MGST1: variants seen among roughly 807,000 people sequenced by gnomAD.
MGST1 encodes the protein glutathione S-transferase 12.
Under a neutral mutation model 8.9 loss-of-function variants are expected in MGST1, and 5 were observed. The observed-to-expected ratio is 0.56, with a 90% CI of 0.29 to 1.19. The LOEUF (loss-of-function observed/expected upper bound fraction) is 1.19, where lower values mean the gene tolerates loss of function less well. Ranked by LOEUF, MGST1 falls within the 50% of genes most tolerant of loss-of-function variation. MGST1 has a pLI of 0.08. For synonymous variants in MGST1, 54 were observed against 67.8 expected (o/e 0.80, Z 1.00); for missense variants, 182 against 187.4 (o/e 0.97, Z 0.17).
intron 1 of MGST1, among the ~76,000 whole-genome samples, chr12:16,434,366 C>T (rs904887386): frequency 6.6e-5 from 10 of 152,052 alleles, no homozygotes; most frequent in African/African-American, 1.7e-4. Context: ...GATTAAACAA[C>T]GGAAATTTCT....
At chr12:16,354,197 C>T in intron 1 of MGST1, 34 bp from the exon 2 acceptor site, 3 of 1,488,356 alleles carry the variant, frequency 2.0e-6, no homozygotes, top group South Asian at 1.3e-5. Context: ...GTATTTATGT[C>T]TGCTTTTTCC....
chr12:16,363,790 C>T lies in MGST1; in HGVS notation c.222-5C>T, dbSNP rs751106206. The T allele has an allele frequency of 3.0e-5, 48 of 1,582,624 alleles. No homozygotes were observed. Among genetic ancestry groups the T allele is most frequent in the Non-Finnish European group, 4.1e-5 (47 of 1,159,000 alleles). ...AGTGTCTTTAATAGTTATCTTTTTC[C>T]ACAGAGCCCACCTGAATGACCTTGA... is the stretch of plus-strand genomic sequence containing the variant. On this transcript the variant is annotated splice_polypyrimidine_tract_variant and splice_region_variant and intron_variant, in intron 3 of 3. Coordinates refer to ENST00000396210, the MANE Select transcript of MGST1 (RefSeq NM_020300.5). This position sits in a 1 kb window ranked among gnomAD's most constrained non-coding sequence, Gnocchi z 4.6.
At chr12:16,418,221 A>G (rs1009893402) in intron 1 of MGST1, among the ~76,000 whole-genome samples, 1 of 152,140 alleles carries the variant, frequency 6.6e-6, no homozygotes, top group African/African-American at 2.4e-5. Flanking sequence ...TTTACTGAAA[A>G]CTAAATTCAA....
intron 1 of MGST1, among the ~76,000 whole-genome samples, chr12:16,435,202 TTTTA>T (rs1482177327): frequency 6.6e-6 from 1 of 151,950 alleles, no homozygotes. Context: ...TTTATTTTGA[TTTTA>T]TTTATTTATC....
At position 16,448,706 on chromosome 12, in the gene MGST1, T is replaced by C. The variant is rs79645417; in HGVS notation, n.482+65102T>C. ...GACTCTATTCTTATTTACATAATTATAGCAATTGTTTAAATTGGGATGGTT... is the reference window on the plus strand; with the variant it reads ...GACTCTATTCTTATTTACATAATTACAGCAATTGTTTAAATTGGGATGGTT... On this transcript the variant is annotated intron_variant and non_coding_transcript_variant, in intron 4 of 4. Coordinates refer to the MGST1 transcript ENST00000538857. Among the ~76,000 whole-genome samples the C allele has an allele frequency of 4.7e-3, 709 of 152,078 alleles. 1 individual carries two copies. The highest frequency in any genetic ancestry group is 0.016 in the African/African-American group (672 of 41,548).
At chr12:16,466,529 T>C (rs1044805561) in intron 4 of MGST1, among the ~76,000 whole-genome samples, 2 of 152,186 alleles carry the variant, frequency 1.3e-5, no homozygotes, top group Non-Finnish European at 2.9e-5. Flanking sequence ...TTAATGAAAG[T>C]GTTGATACCA....
rs576167910 is a variant in MGST1 at position 16,542,763 on chromosome 12, G to T, written n.483-46765G>T. 3.3e-5 allele frequency among the ~76,000 whole-genome samples: 5 copies of T among 152,260 alleles called. No homozygotes were observed. In the South Asian group the frequency reaches 6.2e-4, roughly 19 times the overall value. ...CTCCCCGAGGCCACCCTGTATTCCA[G>T]TTGGAGTAAATCTTCTTGAACTTTG... is the stretch of plus-strand genomic sequence containing the variant. On this transcript the variant is annotated intron_variant and non_coding_transcript_variant, in intron 4 of 4. Coordinates refer to the MGST1 transcript ENST00000538857.
rs942419343 is a variant in MGST1, at chr12:16,401,858, G to A, written n.778+18254G>A. 20 of 1,604,606 alleles carry A rather than the reference G, an allele frequency of 1.2e-5. No homozygotes were observed. Among genetic ancestry groups the A allele is most frequent in the Non-Finnish European group, 1.7e-5 (20 of 1,171,328 alleles). ...ATTTGTTGAAGACTTCAGAAGTGAT[G>A]CCAGCTGCTTTCTTCATTAATTTGA... is the stretch of plus-strand genomic sequence containing the variant. On this transcript the variant is annotated intron_variant and non_coding_transcript_variant, in intron 1 of 1. Coordinates refer to the MGST1 transcript ENST00000359720. This position sits in a 1 kb window ranked among gnomAD's most constrained non-coding sequence, Gnocchi z 4.3.
intron 3 of MGST1, among the ~76,000 whole-genome samples, chr12:16,372,004 T>G (rs1940301407): frequency 6.6e-6 from 1 of 151,914 alleles, no homozygotes; most frequent in Admixed American, 6.6e-5. Flanking sequence ...AAACTAGACC[T>G]CTATCTCTTG....
chr12:16,402,803 A>C (rs1251923171), intron 1 of MGST1, among the ~76,000 whole-genome samples: 1 of 151,646 alleles, frequency 6.6e-6, no homozygotes, highest in African/African-American at 2.4e-5. Flanking sequence ...GATCTCCTTC[A>C]TTATATAGGT....
In MGST1 at chr12:16,357,629, G is replaced by A; in HGVS notation, c.151G>A (p.Val51Ile). The stretch of plus-strand genomic sequence containing the variant: ...GGTTTTTGCCAATCCAGAAGACTGT[G>A]TAGCATTTGGCAAAGGAGAAAATGC... The part of the protein sequence containing the change: ...RKVFANPEDC[V>I]AFGKGENAKK... Residue 51 changes from valine to isoleucine, a missense_variant, in exon 3 of 4, where the codon GTA becomes ATA. Val to Ile is a conservative substitution (Grantham distance 29). Coordinates refer to ENST00000396210, the MANE Select transcript of MGST1 (RefSeq NM_020300.5). 6.2e-7 allele frequency: 1 copy of A among 1,613,866 alleles called. No individual in the cohort carries two copies.
rs1591704840 is a variant in MGST1 at position 16,364,026 on chromosome 12, T to C, written c.453T>C (p.Ser151=). Residue 151 remains serine, a synonymous_variant, in exon 4 of 4, where the codon AGT becomes AGC. Transcript: ENST00000396210. The surrounding 1 kb of genome is among the most constrained non-coding windows in gnomAD (Gnocchi z 5.7). ...TLSMAYRLLK[S]KLYL The stretch of plus-strand genomic sequence containing the variant: ...CCATGGCTTACAGGTTGCTGAAAAG[T>C]AAATTGTACCTGTAAAGAAAATCAT... The C allele has an allele frequency of 6.2e-7, 1 of 1,608,388 alleles. No individual in the cohort carries two copies. The highest frequency in any genetic ancestry group is 1.1e-5 in the South Asian group (1 of 90,426).
At chr12:16,386,410 G>A (rs767520522) in intron 1 of MGST1, among the ~76,000 whole-genome samples, 1 of 152,112 alleles carries the variant, frequency 6.6e-6, no homozygotes, top group Non-Finnish European at 1.5e-5. Flanking sequence ...AGAGTGCAAG[G>A]GTATGGCAAT....
In MGST1 at chr12:16,584,153, C is replaced by T. The variant is rs544082748; in HGVS notation, n.483-5375C>T. 1.2e-3 allele frequency among the ~76,000 whole-genome samples: 177 copies of T among 152,190 alleles called. No homozygotes were observed. The highest frequency in any genetic ancestry group is 3.9e-3 in the African/African-American group (161 of 41,536). On this transcript the variant is annotated intron_variant and non_coding_transcript_variant, in intron 4 of 4. Transcript: ENST00000538857. This position sits in a 1 kb window ranked among gnomAD's most constrained non-coding sequence, Gnocchi z 5.2. ...AATTGTGGTAAGAGGGAAATGACAG[C>T]AGTGAGTAGGGGTAAAAGGTAGTAT...
At chr12:16,569,459 C>T (rs1218715195) in intron 4 of MGST1, among the ~76,000 whole-genome samples, 1 of 152,176 alleles carries the variant, frequency 6.6e-6, no homozygotes, top group Non-Finnish European at 1.5e-5. Flanking sequence ...ATTATACTTT[C>T]CCTTTCAACA....
chr12:16,498,852 T>C (rs1366904404), intron 4 of MGST1, among the ~76,000 whole-genome samples: 1 of 152,188 alleles, frequency 6.6e-6, no homozygotes, highest in African/African-American at 2.4e-5. Context: ...GGTGTTATAC[T>C]ATTGACAAGT....
rs79984994 is a variant in MGST1 at position 16,552,711 on chromosome 12, G to C, written n.483-36817G>C. Among the ~76,000 whole-genome samples, 24 of 152,188 alleles carry C rather than the reference G, an allele frequency of 1.6e-4. No individual in the cohort carries two copies. The East Asian group carries it at 1.7e-3, about 11-fold the overall frequency. On this transcript the variant is annotated intron_variant and non_coding_transcript_variant, in intron 4 of 4. Coordinates refer to the MGST1 transcript ENST00000538857. ...GCTGATGATGTTGATTGAAAGCACA[G>C]ACTATGCACTGATCTTGAAATCCTA...
intron 4 of MGST1, among the ~76,000 whole-genome samples, chr12:16,472,183 G>A (rs1941293274): frequency 6.6e-6 from 1 of 151,972 alleles, no homozygotes; most frequent in African/African-American, 2.4e-5. Flanking sequence ...CATAAAATTT[G>A]TGTAATCTTT....
rs1441858659 is a variant in MGST1, at chr12:16,469,881, A to G, written n.482+86277A>G. ...AAAGCATTTTTTTCTAAATACCTCT[A>G]TGCCTTAACACACGCACAAAAATGT... On this transcript the variant is annotated intron_variant and non_coding_transcript_variant, in intron 4 of 4. Transcript: ENST00000538857. 3.9e-5 allele frequency among the ~76,000 whole-genome samples: 6 copies of G among 152,244 alleles called. 1 individual carries two copies. Among genetic ancestry groups the G allele is most frequent in the Non-Finnish European group, 7.3e-5 (5 of 68,042 alleles).
Sources: gnomAD v4.1 joint callset for allele counts (sites outside exome capture counted in the v4.1 genomes callset) on GRCh38, gnomAD v4.1.1 for gene constraint, Gnocchi (gnomAD v3.1) non-coding constraint, MANE v1.5 for transcripts, NCBI Gene and HGNC (gene_info 2026-07-23, HGNC 2026-07-21) for gene names.